Variants in CCDC178 observed in about 807,000 individuals in gnomAD.
CCDC178 encodes coiled-coil domain containing 178, also known as coiled-coil domain-containing protein 178.
In CCDC178, 126 loss-of-function variants were observed where a neutral mutation model predicts 117.4. The observed-to-expected ratio is 1.07, with a 90% CI of 0.93 to 1.24. The LOEUF (loss-of-function observed/expected upper bound fraction) is 1.24, where lower values mean the gene tolerates loss of function less well. CCDC178 is among the 50% of genes most tolerant of loss of function. The probability of loss-of-function intolerance (pLI) is 0.00; values close to 1 mark genes in which losing one functional copy is unlikely to be tolerated. For missense variants in CCDC178, 1,030 were observed against 986.9 expected, an observed-to-expected ratio of 1.04 and a Z score of -0.59; for synonymous variants, 283 against 313.4, an observed-to-expected ratio of 0.90 and a Z score of 1.02.
rs1555692719 is a variant in CCDC178 at position 33,362,204 on chromosome 18, T to TATAG, written c.349-5859_349-5858insCTAT. On this transcript the variant is annotated intron_variant, in intron 6 of 22. Transcript: ENST00000383096. Reference sequence around the variant, plus strand: ...GTATATATATACATATATATATATATAGCTAATATTCAGCCTTATAAAAAA... The same window carrying TATAG: ...GTATATATATACATATATATATATATATAGAGCTAATATTCAGCCTTATAAAAAA... Among the ~76,000 whole-genome samples the TATAG allele has an allele frequency of 2.0e-5, 3 of 150,436 alleles. No individual in the cohort carries two copies. The Admixed American group carries it at 2.0e-4, about 10-fold the overall frequency.
At chr18:33,319,079 A>G (rs1323096669) in intron 11 of CCDC178, among the ~76,000 whole-genome samples, 2 of 152,090 alleles carry the variant, frequency 1.3e-5, no homozygotes, top group Admixed American at 1.3e-4. Flanking sequence ...TCTAGGGTAC[A>G]TGTGCACAAC....
Position 33,303,475 on chromosome 18 carries a change from T to C in CCDC178, c.1023-10163A>G, listed in dbSNP as rs542115294. 1.8e-4 allele frequency among the ~76,000 whole-genome samples: 27 copies of C among 152,268 alleles called. No homozygotes were observed. In the South Asian group the frequency reaches 5.6e-3, roughly 32 times the overall value. On this transcript the variant is annotated intron_variant, in intron 11 of 22. Transcript: ENST00000383096. ...GAATGTACATCATGAGTGAGCTCTA[T>C]TGTAAACTATGATCTTTGGGTGATA...
chr18:33,294,880 T>C (rs1477168208), intron 11 of CCDC178, among the ~76,000 whole-genome samples: 1 of 152,216 alleles, frequency 6.6e-6, no homozygotes, highest in Non-Finnish European at 1.5e-5. Context: ...AGTGGTTCAC[T>C]TATTCCAATT....
At chr18:33,163,662 T>A (rs1242544076) in intron 20 of CCDC178, among the ~76,000 whole-genome samples, 1 of 152,222 alleles carries the variant, frequency 6.6e-6, no homozygotes, top group Non-Finnish European at 1.5e-5. Context: ...ATAGCTATTC[T>A]ATAATAAAAT....
chr18:33,245,427 T>C lies in CCDC178; in HGVS notation c.1411A>G (p.Ile471Val), dbSNP rs1415070903. ...GATTCGTATTTTGATTTTTTCCGTA[T>C]GCTGTAAAAGTAAAGCAAAAATTAA... is the stretch of plus-strand genomic sequence containing the variant. The part of the protein sequence containing the change: ...NKITVKTNES[I>V]RKKSKYESEI... The change falls in exon 15 of 23, where the codon ATA becomes GTA. Residue 471 changes from isoleucine (I) to valine (V), a missense_variant and splice_region_variant. Ile to Val is a conservative substitution (Grantham distance 29). Coordinates refer to ENST00000383096, the MANE Select transcript of CCDC178 (RefSeq NM_001105528.4). The C allele has an allele frequency of 1.0e-5, 16 of 1,543,818 alleles. No individual in the cohort carries two copies. Among genetic ancestry groups the C allele is most frequent in the Non-Finnish European group, 1.3e-5 (15 of 1,144,962 alleles).
At chr18:33,343,932 A>C (rs945607522) in intron 9 of CCDC178, among the ~76,000 whole-genome samples, 4 of 152,184 alleles carry the variant, frequency 2.6e-5, no homozygotes, top group Non-Finnish European at 4.4e-5. Flanking sequence ...ATTATATTCT[A>C]CATAAATAAT....
At chr18:33,261,073 T>A (rs1207932148) in intron 14 of CCDC178, among the ~76,000 whole-genome samples, 2 of 91,928 alleles carry the variant, frequency 2.2e-5, no homozygotes, top group African/African-American at 6.8e-5. Context: ...TATCAGGGTT[T>A]TTTTTTTCTG....
chr18:33,140,439 G>A (rs759786092), intron 20 of CCDC178, among the ~76,000 whole-genome samples: 1 of 152,200 alleles, frequency 6.6e-6, no homozygotes, highest in Non-Finnish European at 1.5e-5. Flanking sequence ...TAGGGACGGA[G>A]CTGCCCAAGA....
chr18:33,280,492 T>C (rs1480966615), intron 12 of CCDC178, among the ~76,000 whole-genome samples: 1 of 151,766 alleles, frequency 6.6e-6, no homozygotes, highest in African/African-American at 2.4e-5. Context: ...GGAACACTTT[T>C]ACACTGTTGG....
At chr18:33,430,608 C>T (rs373180344) in intron 2 of CCDC178, among the ~76,000 whole-genome samples, 70 of 152,252 alleles carry the variant, frequency 4.6e-4, no homozygotes, top group South Asian at 2.7e-3. Flanking sequence ...GAAGCTGGAT[C>T]CCTACGCCAC....
chr18:32,942,853 C>T (rs1238285945), intron 22 of CCDC178, among the ~76,000 whole-genome samples: 1 of 152,098 alleles, frequency 6.6e-6, no homozygotes, highest in Non-Finnish European at 1.5e-5. Flanking sequence ...TCTAAAAGAA[C>T]TCAAGATTGC....
chr18:33,118,537 A>T (rs1249334403), intron 20 of CCDC178, among the ~76,000 whole-genome samples: 3 of 152,164 alleles, frequency 2.0e-5, no homozygotes, highest in African/African-American at 4.8e-5. Flanking sequence ...TCAATGAAAT[A>T]AAAAAGGACA....
chr18:33,229,098 G>A (rs1291834329), intron 15 of CCDC178, among the ~76,000 whole-genome samples: 1 of 152,162 alleles, frequency 6.6e-6, no homozygotes, highest in African/African-American at 2.4e-5. Context: ...TTATTAAGGA[G>A]CATATTTGGA....
At chr18:33,304,596 A>G (rs1342190575) in intron 11 of CCDC178, among the ~76,000 whole-genome samples, 1 of 152,240 alleles carries the variant, frequency 6.6e-6, no homozygotes, top group African/African-American at 2.4e-5. Flanking sequence ...CATAATGCCT[A>G]CATGACATAG....
intron 20 of CCDC178, among the ~76,000 whole-genome samples, chr18:33,155,157 G>T (rs999864657): frequency 1.3e-5 from 2 of 151,956 alleles, no homozygotes; most frequent in Non-Finnish European, 2.9e-5. Context: ...TTTGTACAAC[G>T]TATGTTCTCT....
intron 5 of CCDC178, among the ~76,000 whole-genome samples, chr18:33,382,656 T>C (rs1181427674): frequency 6.6e-6 from 1 of 152,078 alleles, no homozygotes; most frequent in Non-Finnish European, 1.5e-5. Flanking sequence ...GTACTACACT[T>C]TTCCTACGGA....
intron 11 of CCDC178, among the ~76,000 whole-genome samples, chr18:33,300,715 A>G (rs1187539947): frequency 6.6e-6 from 1 of 152,222 alleles, no homozygotes; most frequent in Non-Finnish European, 1.5e-5. Context: ...CTTAGAGTAT[A>G]TGGCAGAAGA....
intron 2 of CCDC178, among the ~76,000 whole-genome samples, chr18:33,429,931 G>C (rs1438399225): frequency 6.6e-6 from 1 of 152,132 alleles, no homozygotes; most frequent in East Asian, 1.9e-4. Flanking sequence ...ATCCTTTCGT[G>C]TGTAAAATTA....
At chr18:32,941,914 T>C (rs1041884894) in intron 22 of CCDC178, among the ~76,000 whole-genome samples, 3 of 152,172 alleles carry the variant, frequency 2.0e-5, no homozygotes, top group Non-Finnish European at 4.4e-5. Context: ...TAAGGATTGA[T>C]GAACCTCTCT....
Sources: allele counts gnomAD v4.1 joint callset (sites outside exome capture counted in the v4.1 genomes callset), GRCh38; gene constraint gnomAD v4.1.1; transcripts MANE v1.5; gene names NCBI Gene and HGNC (gene_info 2026-07-23, HGNC 2026-07-21).